SHANK2: variants seen among roughly 807,000 people sequenced by gnomAD.
SHANK2 encodes SH3 and multiple ankyrin repeat domains protein 2.
Under a neutral mutation model 133.7 loss-of-function variants are expected in SHANK2, and 43 were observed. That is an observed-to-expected ratio of 0.32 (90% CI 0.25 to 0.41). The LOEUF (loss-of-function observed/expected upper bound fraction) is 0.41, where lower values mean the gene tolerates loss of function less well. Ranked by LOEUF, SHANK2 falls within the 10% of genes least tolerant of loss-of-function variation. The pLI is 1.00. For missense variants in SHANK2, 1,994 were observed against 2,235.8 expected, an observed-to-expected ratio of 0.89 and a Z score of 2.18; for synonymous variants, 1,017 against 952.8, an observed-to-expected ratio of 1.07 and a Z score of -1.24.
At chr11:71,178,810 ACT>A (rs1163619160) in intron 2 of SHANK2, among the ~76,000 whole-genome samples, 1 of 151,020 alleles carries the variant, frequency 6.6e-6, no homozygotes, top group African/African-American at 2.4e-5. Flanking sequence ...ACGGTGAAAC[ACT>A]GTCTCTACTA....
chr11:71,092,677 C>T, intron 7 of SHANK2, 88 bp from the exon 8 acceptor site: 2 of 1,374,516 alleles, frequency 1.5e-6, no homozygotes, highest in Non-Finnish European at 2.0e-6. Context: ...ACCAGGACCA[C>T]CCTCCCCCAG....
Position 70,735,806 on chromosome 11 carries a change from C to T in SHANK2, c.1778-37043G>A, listed in dbSNP as rs561942391. Among the ~76,000 whole-genome samples the T allele has an allele frequency of 1.5e-3, 231 of 152,128 alleles. 1 individual carries two copies. The highest frequency in any genetic ancestry group is 5.2e-3 in the African/African-American group (216 of 41,480). ...AGGTCCACCTCCCCAGAGCACCATGCACTGGCCCAACTTGAGGTTCTTGTA... is the reference window on the plus strand; with the variant it reads ...AGGTCCACCTCCCCAGAGCACCATGTACTGGCCCAACTTGAGGTTCTTGTA... On this transcript the variant is annotated intron_variant, in intron 14 of 25. Transcript: ENST00000601538.
At chr11:70,936,360 A>T (rs1174914646) in intron 10 of SHANK2, among the ~76,000 whole-genome samples, 1 of 151,978 alleles carries the variant, frequency 6.6e-6, no homozygotes, top group African/African-American at 2.4e-5. Context: ...AAAAATATAA[A>T]AATTAGCCAG....
intron 10 of SHANK2, among the ~76,000 whole-genome samples, chr11:70,928,192 GC>G (rs1950454626): frequency 6.6e-6 from 1 of 152,172 alleles, no homozygotes. Context: ...AGGGAAAAGG[GC>G]ATTGTCGCCG....
intron 17 of SHANK2, among the ~76,000 whole-genome samples, chr11:70,514,226 G>A (rs931205200): frequency 6.6e-5 from 10 of 152,164 alleles, no homozygotes; most frequent in Admixed American, 2.6e-4. Context: ...AGAAGACGGC[G>A]GAACAACATC....
chr11:70,531,471 C>T (rs78482873), intron 17 of SHANK2, among the ~76,000 whole-genome samples: 9 of 152,176 alleles, frequency 5.9e-5, no homozygotes, highest in Non-Finnish European at 1.0e-4. Flanking sequence ...CTGACTGCCT[C>T]GCGGGTGGAC....
chr11:70,813,039 T>TCCAG, intron 12 of SHANK2, among the ~76,000 whole-genome samples: 1 of 152,276 alleles, frequency 6.6e-6, no homozygotes, highest in East Asian at 1.9e-4. Context: ...CATTCATTCA[T>TCCAG]CCAGCAAGTA....
intron 17 of SHANK2, among the ~76,000 whole-genome samples, chr11:70,540,138 ACT>A (rs1303477212): frequency 1.1e-4 from 16 of 151,812 alleles, no homozygotes; most frequent in Non-Finnish European, 1.3e-4. Context: ...GCAAGACCTC[ACT>A]CTGAGGTAAT....
intron 23 of SHANK2, 111 bp from the exon 24 acceptor site, chr11:70,489,459 AC>A (rs1472560817): frequency 2.0e-6 from 2 of 976,392 alleles, no homozygotes; most frequent in Non-Finnish European, 3.3e-6. Context: ...CACCACCTCC[AC>A]GGCCACTTAC....
Position 70,807,818 on chromosome 11 carries a change from AGACTCTGTCT to A in SHANK2, c.1494-657_1494-648del, listed in dbSNP as rs1377864878. On this transcript the variant is annotated intron_variant, in intron 12 of 25. Coordinates refer to ENST00000601538, the MANE Select transcript of SHANK2 (RefSeq NM_012309.5). This position sits in a 1 kb window ranked among gnomAD's most constrained non-coding sequence, Gnocchi z 4.8. ...GCACTCCAGCCTGGGTGACAGAGTG[AGACTCTGTCT>A]CCAAAAAAAAAAAGTAAACTGTGAC... Among the ~76,000 whole-genome samples the A allele has an allele frequency of 6.6e-6, 1 of 151,758 alleles. No homozygotes were observed. Among genetic ancestry groups the A allele is most frequent in the African/African-American group, 2.4e-5 (1 of 41,216 alleles).
In SHANK2 at chr11:70,939,020, C is replaced by T. The variant is rs1313632892; in HGVS notation, c.1108-42453G>A. 3.9e-5 allele frequency among the ~76,000 whole-genome samples: 6 copies of T among 151,930 alleles called. No homozygotes were observed. The South Asian group carries it at 1.0e-3, about 26-fold the overall frequency. ...ACTAGGGCGCCGGAACTATGGGTGG[C>T]AGCAGGGACAGAGGGAGGCAGACAG... On this transcript the variant is annotated intron_variant, in intron 10 of 25. Transcript: ENST00000601538.
intron 14 of SHANK2, among the ~76,000 whole-genome samples, chr11:70,737,183 C>A (rs1414124514): frequency 1.3e-5 from 2 of 152,206 alleles, no homozygotes; most frequent in African/African-American, 4.8e-5. Context: ...TGGGTGCAGC[C>A]CCCCAGGGGT....
At chr11:70,917,055 G>A (rs1020742822) in intron 10 of SHANK2, among the ~76,000 whole-genome samples, 1 of 152,240 alleles carries the variant, frequency 6.6e-6, no homozygotes, top group East Asian at 1.9e-4. Flanking sequence ...AAGCCACTAC[G>A]CAGCAGGGCA....
At chr11:70,933,684 C>A (rs915751078) in intron 10 of SHANK2, among the ~76,000 whole-genome samples, 8 of 151,900 alleles carry the variant, frequency 5.3e-5, no homozygotes. Context: ...CTTTGGGAGG[C>A]CGAGGCGGAT....
chr11:71,143,197 T>C (rs112444809), intron 3 of SHANK2, among the ~76,000 whole-genome samples: 1,803 of 152,210 alleles, frequency 0.012, 37 homozygotes, highest in African/African-American at 0.041. Context: ...ATCACGCCAC[T>C]GCACACCAGC....
rs782776011 is a variant in SHANK2, at chr11:70,485,497, G to C, written c.4796C>G (p.Pro1599Arg). The C allele has an allele frequency of 6.2e-7, 1 of 1,613,796 alleles. No homozygotes were observed. The change falls in exon 25 of 26, where the codon CCA (proline) becomes CGA (arginine). Residue 1599 changes from proline to arginine, a missense_variant. Pro to Arg is a moderately radical substitution (Grantham distance 103). Coordinates refer to ENST00000601538, the MANE Select transcript of SHANK2 (RefSeq NM_012309.5). The surrounding 1 kb of genome is among the most constrained non-coding windows in gnomAD (Gnocchi z 5.8). Reference sequence around the variant, plus strand: ...GTCGCCCCACAACTTGGAGGTCCTTGGCTGGAGAACCTTGGCCATCCCAGG... The same window carrying C: ...GTCGCCCCACAACTTGGAGGTCCTTCGCTGGAGAACCTTGGCCATCCCAGG... ...AQPGMAKVLQ[P>R]RTSKLWGDVT... is the part of the protein sequence containing the mutation.
intron 6 of SHANK2, 142 bp from the exon 7 acceptor site, chr11:71,094,830 A>T (rs1266144391): frequency 1.1e-6 from 1 of 951,022 alleles, no homozygotes; most frequent in Non-Finnish European, 1.5e-6. Context: ...ACCACCTGGG[A>T]ACCCCAAGAG....
At chr11:70,620,595 G>A (rs75988447) in intron 17 of SHANK2, among the ~76,000 whole-genome samples, 239 of 146,972 alleles carry the variant, frequency 1.6e-3, no homozygotes, top group Non-Finnish European at 3.0e-3. Flanking sequence ...CTTGCCCCCA[G>A]ACAAAATGTG....
Position 70,808,192 on chromosome 11 carries a change from T to C in SHANK2, c.1494-1021A>G, listed in dbSNP as rs77047937. Among the ~76,000 whole-genome samples the C allele has an allele frequency of 9.1e-3, 1,378 of 152,228 alleles. 13 individuals are homozygous for C. Among genetic ancestry groups the C allele is most frequent in the African/African-American group, 0.031 (1,300 of 41,546 alleles). On this transcript the variant is annotated intron_variant, in intron 12 of 25. Transcript: ENST00000601538. ...TTTGATGTTACACCTATTTCTCCAC[T>C]ATTTTACTTCATTTTATTTATTTAT...
Sources: gnomAD v4.1 joint callset for allele counts (sites outside exome capture counted in the v4.1 genomes callset) on GRCh38, gnomAD v4.1.1 for gene constraint, Gnocchi (gnomAD v3.1) non-coding constraint, MANE v1.5 for transcripts, NCBI Gene and HGNC (gene_info 2026-07-23, HGNC 2026-07-21) for gene names.